The following AZIN2 variants were observed in gnomAD, a reference collection of about 807,000 sequenced individuals.
AZIN2 encodes ODC antizyme inhibitor-2.
In AZIN2, 28 loss-of-function variants were observed where a neutral mutation model predicts 47.8. That is an observed-to-expected ratio of 0.59 (90% CI 0.43 to 0.80). The LOEUF (loss-of-function observed/expected upper bound fraction) is 0.80, where lower values mean the gene tolerates loss of function less well. Ranked by LOEUF, AZIN2 falls within the 30% of genes least tolerant of loss-of-function variation. AZIN2 has a pLI of 0.00. For missense variants in AZIN2, 535 were observed against 582.5 expected (o/e 0.92, Z 0.84); for synonymous variants, 221 against 239.4 (o/e 0.92, Z 0.71).
At chr1:33,102,909 C>T (rs1161669863) in intron 10 of AZIN2, among the ~76,000 whole-genome samples, 1 of 152,222 alleles carries the variant, frequency 6.6e-6, no homozygotes, top group Non-Finnish European at 1.5e-5. Flanking sequence ...AGCACTGCCA[C>T]TAGCCAACTG....
At chr1:33,136,457 C>T in the AZIN2 span, among the ~76,000 whole-genome samples, 1 of 151,814 alleles carries the variant, frequency 6.6e-6, no homozygotes, top group Non-Finnish European at 1.5e-5. Flanking sequence ...CAATCTCTGC[C>T]TCCCAGGCTC....
chr1:33,088,945 C>T (rs1011029887), intron 5 of AZIN2, among the ~76,000 whole-genome samples: 4 of 152,226 alleles, frequency 2.6e-5, no homozygotes, highest in African/African-American at 7.2e-5. Flanking sequence ...TTCCCACCAA[C>T]CTGAAAGCTC....
At chr1:33,101,390 A>T (rs1292446108) in intron 10 of AZIN2, among the ~76,000 whole-genome samples, 1 of 151,106 alleles carries the variant, frequency 6.6e-6, no homozygotes, top group Admixed American at 6.6e-5. Context: ...TGGTAATTTT[A>T]AACTGAGTTG....
At chr1:33,111,587 G>A (rs533865812) in intron 10 of AZIN2, among the ~76,000 whole-genome samples, 25 of 151,922 alleles carry the variant, frequency 1.6e-4, no homozygotes, top group African/African-American at 5.8e-4. Flanking sequence ...TAAGAGATTA[G>A]TAGACAAAAT....
At chr1:33,137,453 A>C in the AZIN2 span, among the ~76,000 whole-genome samples, 1 of 152,232 alleles carries the variant, frequency 6.6e-6, no homozygotes, top group Non-Finnish European at 1.5e-5. Flanking sequence ...TCAACTAATC[A>C]TGAGGCGTAC....
the AZIN2 span, among the ~76,000 whole-genome samples, chr1:33,131,443 G>A: frequency 6.6e-6 from 1 of 152,186 alleles, no homozygotes; most frequent in Non-Finnish European, 1.5e-5. Flanking sequence ...CCGGCTTCCT[G>A]TGGCTATGAG....
intron 10 of AZIN2, among the ~76,000 whole-genome samples, chr1:33,110,040 A>G (rs1570150296): frequency 6.6e-6 from 1 of 152,204 alleles, no homozygotes; most frequent in East Asian, 1.9e-4. Flanking sequence ...CATAGAGCTG[A>G]GAACCCAAAA....
intron 6 of AZIN2, 59 bp downstream of exon 6, chr1:33,092,281 C>A: frequency 7.6e-7 from 1 of 1,313,484 alleles, no homozygotes. Context: ...CTGTGGGGAG[C>A]CTGGGCTGTG....
At position 33,082,575 on chromosome 1, in the gene AZIN2, C is replaced by T. The variant is rs536131880; in HGVS notation, c.105+221C>T. On this transcript the variant is annotated intron_variant, in intron 4 of 11. Transcript: ENST00000294517. ...TTACCCAGCCCTCCAAGGTCAGAAACGGGGGATTCCTTTCCTGCTGCCCCC... is the reference window on the plus strand; with the variant it reads ...TTACCCAGCCCTCCAAGGTCAGAAATGGGGGATTCCTTTCCTGCTGCCCCC... The T allele has an allele frequency of 3.7e-5, 17 of 461,682 alleles. 1 individual carries two copies. Among genetic ancestry groups the T allele is most frequent in the South Asian group, 2.8e-4 (11 of 39,218 alleles). 28.6% of individuals were successfully genotyped at this position (461,682 alleles called of 1,614,324 possible).
At chr1:33,140,590 T>G in the AZIN2 span, among the ~76,000 whole-genome samples, 1 of 152,192 alleles carries the variant, frequency 6.6e-6, no homozygotes, top group African/African-American at 2.4e-5. The surrounding 1 kb of genome is among the most constrained non-coding windows in gnomAD (Gnocchi z 4.0). Context: ...CAGGGCTTTC[T>G]CTAGTGCCAT....
Position 33,093,389 on chromosome 1 carries a change from A to C in AZIN2, c.560A>C (p.Lys187Thr). 1 of 1,614,068 alleles carries C rather than the reference A, an allele frequency of 6.2e-7. No individual in the cohort carries two copies. The highest frequency in any genetic ancestry group is 8.5e-7 in the Non-Finnish European group (1 of 1,179,972). ...SCRHLLENAK[K>T]HHVEVVGVSF... Reference sequence around the variant, plus strand: ...AGACACCTGCTTGAAAATGCGAAGAAGCACCATGTGGAGGTGGTGGGTGTG... The same window carrying C: ...AGACACCTGCTTGAAAATGCGAAGACGCACCATGTGGAGGTGGTGGGTGTG... The change falls in exon 7 of 12, where the codon AAG becomes ACG. Residue 187 changes from lysine to threonine, a missense_variant. Coordinates refer to ENST00000294517, the MANE Select transcript of AZIN2 (RefSeq NM_052998.4).
At chr1:33,139,166 C>G in the AZIN2 span, among the ~76,000 whole-genome samples, 1 of 152,186 alleles carries the variant, frequency 6.6e-6, no homozygotes, top group East Asian at 1.9e-4. Context: ...GTCTCTGCCT[C>G]TTTTCCCTGG....
At chr1:33,099,600 G>A (rs1643496711) in intron 10 of AZIN2, among the ~76,000 whole-genome samples, 1 of 152,194 alleles carries the variant, frequency 6.6e-6, no homozygotes, top group African/African-American at 2.4e-5. Flanking sequence ...CCTCAGAAGA[G>A]GAGATGATGG....
intron 5 of AZIN2, among the ~76,000 whole-genome samples, chr1:33,087,287 C>A (rs868395055): frequency 6.6e-6 from 1 of 151,876 alleles, no homozygotes; most frequent in Admixed American, 6.6e-5. Flanking sequence ...GCATGTGCCA[C>A]GATGCCCGGC....
At position 33,084,074 on chromosome 1, in the gene AZIN2, GGT is replaced by G; in HGVS notation, c.230_231del (p.Val77AlafsTer12). 1.2e-6 allele frequency: 2 copies of G among 1,613,742 alleles called. No homozygotes were observed. Among genetic ancestry groups the G allele is most frequent in the Non-Finnish European group, 1.7e-6 (2 of 1,180,052 alleles). On this transcript the variant is annotated frameshift_variant, in exon 5 of 12. Coordinates refer to ENST00000294517, the MANE Select transcript of AZIN2 (RefSeq NM_052998.4). LOFTEE classifies it high-confidence loss of function. ...TGCTGTCAAGTGCAACAGCAGCCCA[GGT>G]GTGCTGAAGGTTCTGGCCCAGCTGG... ...FYAVKCNSSP[G>X]VLKVLAQLGL...
At chr1:33,127,448 A>G (rs1644864948), downstream of AZIN2, among the ~76,000 whole-genome samples, 1 of 152,260 alleles carries the variant, frequency 6.6e-6, no homozygotes, top group Admixed American at 6.5e-5. Flanking sequence ...GGAGAGGCGC[A>G]GCTCAGTCTT....
At chr1:33,165,875 G>A in the AZIN2 span, 10 of 227,788 alleles carry the variant, frequency 4.4e-5, no homozygotes, top group African/African-American at 1.6e-4. This position sits in a 1 kb window ranked among gnomAD's most constrained non-coding sequence, Gnocchi z 4.0. Flanking sequence ...CTGGATCCCC[G>A]CTTAGAATTA....
At chr1:33,150,030 G>T in the AZIN2 span, among the ~76,000 whole-genome samples, 1 of 152,214 alleles carries the variant, frequency 6.6e-6, no homozygotes, top group African/African-American at 2.4e-5. Context: ...TAGCAGGTCT[G>T]ACTAAAAATT....
the AZIN2 span, chr1:33,147,000 A>G: frequency 2.7e-4 from 174 of 639,022 alleles, 1 homozygote; most frequent in South Asian, 3.2e-3. Flanking sequence ...ATGCTGGAAG[A>G]GAGTTTAGGA....
Sources: gnomAD v4.1 joint callset for allele counts (sites outside exome capture counted in the v4.1 genomes callset) on GRCh38, gnomAD v4.1.1 for gene constraint, Gnocchi (gnomAD v3.1) non-coding constraint, MANE v1.5 for transcripts, NCBI Gene and HGNC (gene_info 2026-07-23, HGNC 2026-07-21) for gene names.